The following CRYGN variants were observed in gnomAD, a reference collection of about 807,000 sequenced individuals.
The protein encoded by CRYGN is crystallin gamma N, also known as gamma-crystallin N.
CRYGN carries 17 observed loss-of-function variants against 19.2 expected under a neutral mutation model. The ratio of observed to expected loss-of-function variants is 0.89; its 90% CI spans 0.61 to 1.33. The LOEUF is 1.33. CRYGN is among the 40% of genes most tolerant of loss of function. The pLI is 0.00. For missense variants in CRYGN, 239 were observed against 239.6 expected, an observed-to-expected ratio of 1.00 and a Z score of 0.02; for synonymous variants, 84 against 85.8, an observed-to-expected ratio of 0.98 and a Z score of 0.12.
rs563808168 is a variant in CRYGN at position 151,440,055 on chromosome 7, C to T, written c.-138G>A. The T allele has an allele frequency of 2.2e-6, 3 of 1,352,702 alleles. No homozygotes were observed. Among genetic ancestry groups the T allele is most frequent in the African/African-American group, 3.1e-5 (2 of 65,414 alleles). The allele number at this position is 1,352,702 out of a possible 1,614,324, so 83.8% of individuals were successfully genotyped here. The stretch of plus-strand genomic sequence containing the variant: ...CGGGCGTGCTAAGCCCGAGGGGCCA[C>T]CAGGCGGTTGGGACCCGCCGCGGCC... On this transcript the variant is annotated 5_prime_UTR_variant, in exon 1 of 4. It adds an upstream start codon to the 5' untranslated region. Coordinates refer to ENST00000337323, the MANE Select transcript of CRYGN (RefSeq NM_144727.3).
chr7:151,430,102 C>T lies in CRYGN; in HGVS notation c.495G>A (p.Glu165=), dbSNP rs2150904784. The change falls in exon 4 of 4, where the codon GAG becomes GAA. Residue 165 remains glutamate (E), a synonymous_variant. Transcript: ENST00000337323. This position sits in a 1 kb window ranked among gnomAD's most constrained non-coding sequence, Gnocchi z 5.2. ...GGGTTGTTGCTGGTTTTGTGGTGGCCTCTTCCGGTCCTTGATCTGATTGAA... is the reference window on the plus strand; with the variant it reads ...GGGTTGTTGCTGGTTTTGTGGTGGCTTCTTCCGGTCCTTGATCTGATTGAA... ...SSLQSDQGPE[E]ATTKPATTQP... 6.3e-7 allele frequency: 1 copy of T among 1,575,928 alleles called. No individual in the cohort carries two copies. The highest frequency in any genetic ancestry group is 1.1e-5 in the South Asian group (1 of 90,328).
Position 151,440,007 on chromosome 7 carries a change from C to A in CRYGN, c.-90G>T, listed in dbSNP as rs1056683330. On this transcript the variant is annotated 5_prime_UTR_variant, in exon 1 of 4. Coordinates refer to ENST00000337323, the MANE Select transcript of CRYGN (RefSeq NM_144727.3). Reference sequence around the variant, plus strand: ...GCCCCGGACAAAAGATTTGCTGGGCCGGCCCCGGAGCGTTAGTGCTGTCGG... The same window carrying A: ...GCCCCGGACAAAAGATTTGCTGGGCAGGCCCCGGAGCGTTAGTGCTGTCGG... The A allele has an allele frequency of 7.0e-7, 1 of 1,421,130 alleles. No homozygotes were observed. The highest frequency in any genetic ancestry group is 1.5e-5 in the South Asian group (1 of 67,988). The allele number at this position is 1,421,130 out of a possible 1,614,324, so 88.0% of individuals were successfully genotyped here.
At chr7:151,437,746 G>C in intron 2 of CRYGN, 1 of 1,183,352 alleles carries the variant, frequency 8.5e-7, no homozygotes, top group Non-Finnish European at 1.1e-6. Context: ...TAGATTTTTG[G>C]CTCCGAAACT....
In CRYGN at chr7:151,431,236, G is replaced by C. The variant is rs1801455938; in HGVS notation, c.417-1056C>G. ...TCGTGGGACCTTTCCTCTCTCCCCA[G>C]TGAGTTGGAAGCATAGGCGTGGGTG... On this transcript the variant is annotated intron_variant, in intron 3 of 3. Coordinates refer to ENST00000337323, the MANE Select transcript of CRYGN (RefSeq NM_144727.3). The surrounding 1 kb of genome is among the most constrained non-coding windows in gnomAD (Gnocchi z 4.8). Among the ~76,000 whole-genome samples, 1 of 152,206 alleles carries C rather than the reference G, an allele frequency of 6.6e-6. No homozygotes were observed. The highest frequency in any genetic ancestry group is 2.1e-4 in the South Asian group (1 of 4,832).
chr7:151,437,761 G>T, intron 2 of CRYGN: 1 of 1,299,032 alleles, frequency 7.7e-7, no homozygotes, highest in Non-Finnish European at 1.0e-6. Flanking sequence ...GAAACTTAAA[G>T]TGGTTTATTG....
chr7:151,439,412 C>G (rs867001372), intron 1 of CRYGN, among the ~76,000 whole-genome samples: 1 of 152,154 alleles, frequency 6.6e-6, no homozygotes, highest in African/African-American at 2.4e-5. Context: ...GCACCAGGCA[C>G]GGCTGGTAGA....
chr7:151,430,258 C>G lies in CRYGN; in HGVS notation c.417-78G>C, dbSNP rs1801433223. ...AGGCCTTTTGGGGACCCATCTACCA[C>G]ATGGCAGCAGGGAGCCCCTTCCCCT... is the stretch of plus-strand genomic sequence containing the variant. On this transcript the variant is annotated intron_variant, in intron 3 of 3. Transcript: ENST00000337323. The surrounding 1 kb of genome is among the most constrained non-coding windows in gnomAD (Gnocchi z 5.2). 1 of 1,434,938 alleles carries G rather than the reference C, an allele frequency of 7.0e-7. No individual in the cohort carries two copies. The highest frequency in any genetic ancestry group is 9.7e-7 in the Non-Finnish European group (1 of 1,034,014). 88.9% of individuals were successfully genotyped at this position (1,434,938 alleles called of 1,614,324 possible).
upstream of CRYGN, chr7:151,440,184 C>G: frequency 9.0e-7 from 1 of 1,109,714 alleles, no homozygotes; most frequent in Non-Finnish European, 1.2e-6. Context: ...CCGCCCAGCC[C>G]GCGGCTGCCC....
At position 151,436,927 on chromosome 7, in the gene CRYGN, C is replaced by T. The variant is rs1328229711; in HGVS notation, c.271-602G>A. The stretch of plus-strand genomic sequence containing the variant: ...GCATTTCCAAAAGACAGAGGAGGGC[C>T]AGCCCCTGCCTGGCTCAGAAGCCGG... On this transcript the variant is annotated intron_variant, in intron 2 of 3. Transcript: ENST00000337323. This position sits in a 1 kb window ranked among gnomAD's most constrained non-coding sequence, Gnocchi z 5.1. The T allele has an allele frequency of 6.6e-6, 1 of 152,106 alleles. No homozygotes were observed. The highest frequency in any genetic ancestry group is 2.4e-5 in the African/African-American group (1 of 41,412). 9.4% of individuals were successfully genotyped at this position (152,106 alleles called of 1,614,324 possible).
At position 151,430,301 on chromosome 7, in the gene CRYGN, C is replaced by T. The variant is rs147277306; in HGVS notation, c.417-121G>A. ...CTTCCCCTTTCCTGGGCGGAGTGGA[C>T]GGTTGCCTAGTGGTTTCATGTCTTC... On this transcript the variant is annotated intron_variant, in intron 3 of 3. Coordinates refer to ENST00000337323, the MANE Select transcript of CRYGN (RefSeq NM_144727.3). This position sits in a 1 kb window ranked among gnomAD's most constrained non-coding sequence, Gnocchi z 5.2. 1,170 of 955,476 alleles carry T rather than the reference C, an allele frequency of 1.2e-3. 6 individuals are homozygous for T. Among genetic ancestry groups the T allele is most frequent in the South Asian group, 4.9e-3 (300 of 60,660 alleles). 59.2% of individuals were successfully genotyped at this position (955,476 alleles called of 1,614,324 possible). A position where few individuals can be genotyped will look rare whatever the true frequency, so the allele number is the denominator to read the frequency against.
upstream of CRYGN, chr7:151,440,185 G>A (rs958792900): frequency 4.5e-6 from 5 of 1,108,004 alleles, no homozygotes; most frequent in African/African-American, 8.3e-5. Context: ...CGCCCAGCCC[G>A]CGGCTGCCCC....
intron 3 of CRYGN, among the ~76,000 whole-genome samples, chr7:151,432,606 G>A (rs1022548469): frequency 4.6e-5 from 7 of 152,180 alleles, no homozygotes; most frequent in African/African-American, 1.4e-4. Context: ...GAGTTTGAGA[G>A]CAGCCCGGCC....
chr7:151,438,371 T>C (rs2074999), intron 1 of CRYGN, 127 bp from the exon 2 acceptor site: 142,109 of 911,952 alleles, frequency 0.16, 11,637 homozygotes, highest in African/African-American at 0.17. Context: ...CCAGACCTGC[T>C]GCACACAGTA....
upstream of CRYGN, chr7:151,440,256 C>A: frequency 2.2e-6 from 1 of 460,554 alleles, no homozygotes; most frequent in South Asian, 5.5e-5. Flanking sequence ...TCCAACCTTT[C>A]TTCCCCTGCG....
intron 3 of CRYGN, chr7:151,432,108 G>T: frequency 9.5e-7 from 1 of 1,053,656 alleles, no homozygotes; most frequent in Non-Finnish European, 1.2e-6. Context: ...GGTTGCCCCT[G>T]TCCCCAGAGC....
chr7:151,430,951 G>T lies in CRYGN; in HGVS notation c.417-771C>A, dbSNP rs946057202. The stretch of plus-strand genomic sequence containing the variant: ...CAACCCATGCACCTGGCCCCCCACT[G>T]ATCCCTCATCCAGCCAGGCCTTGGT... On this transcript the variant is annotated intron_variant, in intron 3 of 3. Transcript: ENST00000337323. This position sits in a 1 kb window ranked among gnomAD's most constrained non-coding sequence, Gnocchi z 5.2. Among the ~76,000 whole-genome samples the T allele has an allele frequency of 1.3e-5, 2 of 152,162 alleles. No individual in the cohort carries two copies. Among genetic ancestry groups the T allele is most frequent in the Admixed American group, 1.3e-4 (2 of 15,286 alleles).
At position 151,440,099 on chromosome 7, in the gene CRYGN, T is replaced by G. The variant is rs1801726395; in HGVS notation, c.-182A>C. On this transcript the variant is annotated 5_prime_UTR_variant, in exon 1 of 4. Coordinates refer to ENST00000337323, the MANE Select transcript of CRYGN (RefSeq NM_144727.3). ...CGCGGCCACCCTGTGCCACCGCGAG[T>G]GCAGCCCGCCCTGCCCGGGGTCTCC... is the stretch of plus-strand genomic sequence containing the variant. 12 of 1,363,340 alleles carry G rather than the reference T, an allele frequency of 8.8e-6. No individual in the cohort carries two copies. The South Asian group carries it at 2.1e-4, about 24-fold the overall frequency. The allele number at this position is 1,363,340 out of a possible 1,614,324, so 84.5% of individuals were successfully genotyped here.
chr7:151,437,947 C>G, intron 2 of CRYGN, 49 bp downstream of exon 2: 16 of 1,605,428 alleles, frequency 1.0e-5, no homozygotes, highest in Non-Finnish European at 1.4e-5. Context: ...GGCTGACCCT[C>G]GGTCCCTCCA....
chr7:151,434,583 C>T (rs897168289), intron 3 of CRYGN, among the ~76,000 whole-genome samples: 1 of 152,212 alleles, frequency 6.6e-6, no homozygotes, highest in African/African-American at 2.4e-5. Flanking sequence ...CCCTCCCTAT[C>T]CCTGGGAACT....
Sources: allele counts gnomAD v4.1 joint callset (sites outside exome capture counted in the v4.1 genomes callset), GRCh38; gene constraint gnomAD v4.1.1; non-coding constraint Gnocchi (gnomAD v3.1); transcripts MANE v1.5; gene names NCBI Gene and HGNC (gene_info 2026-07-23, HGNC 2026-07-21).